SGCD: variants seen among roughly 807,000 people sequenced by gnomAD.
SGCD encodes sarcoglycan delta.
SGCD carries 18 observed loss-of-function variants against 36.6 expected under a neutral mutation model. The observed-to-expected ratio is 0.49, with a 90% CI of 0.34 to 0.73. The LOEUF (loss-of-function observed/expected upper bound fraction) is 0.73, where lower values mean the gene tolerates loss of function less well. Ranked by LOEUF, SGCD falls within the 30% of genes least tolerant of loss-of-function variation. The pLI is 0.01. For synonymous variants in SGCD, 133 were observed against 130.6 expected (o/e 1.02, Z -0.12); for missense variants, 387 against 346.7 (o/e 1.12, Z -0.92).
chr5:155,733,096 G>A, the SGCD span, among the ~76,000 whole-genome samples: 4 of 150,444 alleles, frequency 2.7e-5, no homozygotes, highest in African/African-American at 4.9e-5. Context: ...CATGAGTGTC[G>A]GCATTTGTAC....
rs143182243 is a variant in SGCD, at chr5:156,384,668, A to AT, written c.192+39998dup. ...TAAAAAACATCTCAAAAAGATGTGC[A>AT]TTTTTTTCCCCCATCCACTATTATT... On this transcript the variant is annotated intron_variant, in intron 3 of 8. Coordinates refer to ENST00000337851, the MANE Select transcript of SGCD (RefSeq NM_000337.6). Among the ~76,000 whole-genome samples the AT allele has an allele frequency of 2.4e-3, 359 of 152,102 alleles. 1 individual carries two copies. Among genetic ancestry groups the AT allele is most frequent in the Admixed American group, 0.011 (167 of 15,282 alleles).
chr5:155,909,089 CTCTGAG>C (rs537122768), intron 1 of SGCD, among the ~76,000 whole-genome samples: 267 of 152,106 alleles, frequency 1.8e-3, no homozygotes, highest in African/African-American at 6.0e-3. Flanking sequence ...GAATGTTAGG[CTCTGAG>C]AGGGTGGGGA....
intron 4 of SGCD, among the ~76,000 whole-genome samples, chr5:156,525,898 G>A (rs1229672072): frequency 6.6e-6 from 1 of 151,912 alleles, no homozygotes; most frequent in East Asian, 1.9e-4. Context: ...CATATCTGTG[G>A]GTTTATTGCT....
chr5:156,743,485 A>C (rs1756794567), intron 7 of SGCD, among the ~76,000 whole-genome samples: 1 of 152,056 alleles, frequency 6.6e-6, no homozygotes, highest in Admixed American at 6.5e-5. Flanking sequence ...TTCTTTCTAA[A>C]AGTCTTTATG....
intron 1 of SGCD, among the ~76,000 whole-genome samples, chr5:155,956,799 C>T (rs929457233): frequency 2.9e-5 from 2 of 69,412 alleles, no homozygotes; most frequent in South Asian, 9.0e-4. Flanking sequence ...GACTCAGGGC[C>T]CCCCCCCCCG....
intron 1 of SGCD, among the ~76,000 whole-genome samples, chr5:155,992,331 G>A (rs996763544): frequency 6.6e-6 from 1 of 152,088 alleles, no homozygotes; most frequent in African/African-American, 2.4e-5. Flanking sequence ...GAAGGTCAGG[G>A]TACATGTTTT....
intron 7 of SGCD, among the ~76,000 whole-genome samples, chr5:156,735,497 A>G (rs1756309580): frequency 2.0e-5 from 3 of 152,182 alleles, no homozygotes; most frequent in Admixed American, 2.0e-4. Context: ...GAACAGGATC[A>G]GGCATCTGCT....
intron 3 of SGCD, among the ~76,000 whole-genome samples, chr5:156,423,340 A>ACAT (rs1491150483): frequency 0.02 from 256 of 12,530 alleles, 4 homozygotes; most frequent in African/African-American, 0.14. Flanking sequence ...TTATAATATA[A>ACAT]TATATTATAA....
At chr5:156,319,348 G>A (rs527620771) in intron 3 of SGCD, among the ~76,000 whole-genome samples, 3 of 152,296 alleles carry the variant, frequency 2.0e-5, no homozygotes, top group African/African-American at 4.8e-5. Flanking sequence ...ATGAGCACTT[G>A]ATCTGTTAAG....
the SGCD span, among the ~76,000 whole-genome samples, chr5:155,779,004 G>T: frequency 1.1e-4 from 16 of 152,074 alleles, no homozygotes; most frequent in African/African-American, 9.7e-5. Flanking sequence ...ATTGAATTTT[G>T]TTGGGAAAAT....
chr5:155,946,783 G>A (rs981903512), intron 1 of SGCD, among the ~76,000 whole-genome samples: 4 of 152,190 alleles, frequency 2.6e-5, no homozygotes, highest in African/African-American at 9.7e-5. Context: ...CACTGAGACA[G>A]AACTGTATAT....
chr5:156,165,490 C>T (rs1763192292), intron 3 of SGCD, among the ~76,000 whole-genome samples: 1 of 152,102 alleles, frequency 6.6e-6, no homozygotes, highest in South Asian at 2.1e-4. Context: ...GATTTTAGGA[C>T]TTTCCAGAGT....
intron 3 of SGCD, among the ~76,000 whole-genome samples, chr5:156,168,805 G>A (rs1763272367): frequency 6.6e-6 from 1 of 152,210 alleles, no homozygotes; most frequent in African/African-American, 2.4e-5. Flanking sequence ...TATGCCAGGT[G>A]CTCTGAGAGA....
At chr5:156,246,519 G>C (rs932980613) in intron 3 of SGCD, among the ~76,000 whole-genome samples, 1 of 152,018 alleles carries the variant, frequency 6.6e-6, no homozygotes, top group Non-Finnish European at 1.5e-5. Context: ...TAATGGAGTT[G>C]TTCTTTCACA....
the SGCD span, among the ~76,000 whole-genome samples, chr5:155,728,368 G>A: frequency 4.6e-5 from 7 of 152,192 alleles, no homozygotes; most frequent in African/African-American, 4.8e-5. Context: ...TGCTGCGGGA[G>A]CTGCGGCCGC....
At chr5:156,198,316 A>G (rs999989223) in intron 3 of SGCD, among the ~76,000 whole-genome samples, 2 of 152,132 alleles carry the variant, frequency 1.3e-5, no homozygotes, top group South Asian at 2.1e-4. Flanking sequence ...GATGATTGTT[A>G]TGTTCACATA....
chr5:155,791,335 C>A, the SGCD span, among the ~76,000 whole-genome samples: 7 of 152,160 alleles, frequency 4.6e-5, no homozygotes, highest in Admixed American at 3.9e-4. Context: ...AGAACCATTC[C>A]TCTCGAGAAC....
intron 3 of SGCD, among the ~76,000 whole-genome samples, chr5:156,229,580 G>T (rs1764959940): frequency 6.6e-6 from 1 of 151,716 alleles, no homozygotes; most frequent in African/African-American, 2.4e-5. Context: ...TGGTGCTTTT[G>T]TCTCACAGCT....
intron 7 of SGCD, among the ~76,000 whole-genome samples, chr5:156,710,491 C>T (rs980574815): frequency 6.6e-5 from 10 of 152,150 alleles, no homozygotes; most frequent in East Asian, 5.8e-4. Flanking sequence ...CAGCCCCAGG[C>T]GGTCCTGAGA....
Sources: gnomAD v4.1 joint callset for allele counts (sites outside exome capture counted in the v4.1 genomes callset) on GRCh38, gnomAD v4.1.1 for gene constraint, MANE v1.5 for transcripts, NCBI Gene and HGNC (gene_info 2026-07-23, HGNC 2026-07-21) for gene names.